Variants in AFF3 observed in about 807,000 individuals in gnomAD.
AFF3 encodes the protein ALF transcription elongation factor 3, also known as AF4/FMR2 family member 3.
AFF3 carries 32 observed loss-of-function variants against 129.7 expected under a neutral mutation model. The ratio of observed to expected loss-of-function variants is 0.25; its 90% CI spans 0.19 to 0.33. The LOEUF (loss-of-function observed/expected upper bound fraction) is 0.33. Among genes scored for constraint, AFF3 ranks in the 10% least tolerant of loss-of-function variants. AFF3 has a pLI of 1.00. For missense variants in AFF3, 1,373 were observed against 1,592.0 expected (o/e 0.86, Z 2.34); for synonymous variants, 644 against 635.4 (o/e 1.01, Z -0.20).
chr2:99,606,492 G>A (rs1050896990), intron 13 of AFF3, among the ~76,000 whole-genome samples: 20 of 151,936 alleles, frequency 1.3e-4, no homozygotes, highest in Non-Finnish European at 2.1e-4. Flanking sequence ...CATAATAAGC[G>A]TTCATGTGTG....
At chr2:99,764,602 C>T (rs1682861823) in intron 8 of AFF3, among the ~76,000 whole-genome samples, 1 of 152,116 alleles carries the variant, frequency 6.6e-6, no homozygotes. Context: ...CATTTTATTA[C>T]TTGTGTTTAA....
intron 12 of AFF3, among the ~76,000 whole-genome samples, chr2:99,669,590 C>T (rs1414908925): frequency 6.6e-6 from 1 of 152,122 alleles, no homozygotes; most frequent in Non-Finnish European, 1.5e-5. Flanking sequence ...ATGGGGGCAC[C>T]TGGGTCATGT....
intron 7 of AFF3, among the ~76,000 whole-genome samples, chr2:99,993,078 T>C (rs1244099070): frequency 6.6e-6 from 1 of 152,162 alleles, no homozygotes; most frequent in Non-Finnish European, 1.5e-5. Context: ...CTCCTATAGG[T>C]GGCAGAGCAA....
At chr2:99,939,045 A>G (rs1244927370) in intron 7 of AFF3, among the ~76,000 whole-genome samples, 1 of 152,216 alleles carries the variant, frequency 6.6e-6, no homozygotes, top group African/African-American at 2.4e-5. Context: ...TACCAACATG[A>G]CACTCAAAGG....
At chr2:100,039,521 C>T (rs1235123511) in intron 4 of AFF3, among the ~76,000 whole-genome samples, 2 of 152,082 alleles carry the variant, frequency 1.3e-5, no homozygotes, top group African/African-American at 4.8e-5. Flanking sequence ...GGCACCACTG[C>T]ACTCTAGCCT....
chr2:99,959,736 T>C (rs1048504985), intron 7 of AFF3, among the ~76,000 whole-genome samples: 2 of 150,422 alleles, frequency 1.3e-5, no homozygotes, highest in Non-Finnish European at 2.9e-5. Context: ...ATTATTGGCA[T>C]TTTTCCTCCA....
At chr2:99,685,172 C>G (rs966634982) in intron 11 of AFF3, among the ~76,000 whole-genome samples, 6 of 151,692 alleles carry the variant, frequency 4.0e-5, no homozygotes, top group African/African-American at 1.5e-4. Context: ...AACTACTGAC[C>G]TCAAGTGATC....
At chr2:99,746,630 C>T (rs373327565) in intron 9 of AFF3, among the ~76,000 whole-genome samples, 12 of 152,284 alleles carry the variant, frequency 7.9e-5, no homozygotes, top group African/African-American at 2.2e-4. Flanking sequence ...GATGAAATAT[C>T]GTTCCTGAAA....
At chr2:99,648,643 G>A (rs1018435694) in intron 13 of AFF3, among the ~76,000 whole-genome samples, 2 of 151,944 alleles carry the variant, frequency 1.3e-5, no homozygotes, top group Non-Finnish European at 2.9e-5. Flanking sequence ...CAGATAATTC[G>A]CCTAAGTGAC....
intron 13 of AFF3, among the ~76,000 whole-genome samples, chr2:99,623,426 G>A (rs549062239): frequency 6.6e-5 from 10 of 152,286 alleles, no homozygotes; most frequent in South Asian, 2.1e-4. Flanking sequence ...ATACTCATGC[G>A]GTGAGTGTAG....
At chr2:99,931,566 G>C (rs943421038) in intron 7 of AFF3, among the ~76,000 whole-genome samples, 2 of 152,110 alleles carry the variant, frequency 1.3e-5, no homozygotes, top group Admixed American at 1.3e-4. Flanking sequence ...TATTGATAGG[G>C]TACTGTTTAG....
In AFF3 at chr2:99,803,937, C is replaced by T. The variant is rs569380789; in HGVS notation, c.921+33540G>A. Among the ~76,000 whole-genome samples the T allele has an allele frequency of 1.3e-3, 200 of 152,084 alleles. 1 individual carries two copies. Among genetic ancestry groups the T allele is most frequent in the African/African-American group, 3.9e-3 (160 of 41,440 alleles). Reference sequence around the variant, plus strand: ...ACCATCTACAAAAATCAACTCCAGACGGATCAAACACTTAAATCTAAGAAC... The same window carrying T: ...ACCATCTACAAAAATCAACTCCAGATGGATCAAACACTTAAATCTAAGAAC... On this transcript the variant is annotated intron_variant, in intron 8 of 24. Coordinates refer to ENST00000672756, the MANE Select transcript of AFF3 (RefSeq NM_001386135.1).
chr2:99,611,746 G>A (rs1680946270), intron 13 of AFF3, among the ~76,000 whole-genome samples: 1 of 152,256 alleles, frequency 6.6e-6, no homozygotes, highest in East Asian at 1.9e-4. Flanking sequence ...AATTAGCTGG[G>A]TGTGGTGGCG....
At chr2:100,096,306 C>T (rs1690287589) in intron 4 of AFF3, among the ~76,000 whole-genome samples, 1 of 151,554 alleles carries the variant, frequency 6.6e-6, no homozygotes, top group Non-Finnish European at 1.5e-5. Flanking sequence ...AGTGATTAGC[C>T]TATTTATTAC....
chr2:99,578,304 C>T (rs368162748), intron 18 of AFF3, 23 bp downstream of exon 18: 17 of 1,582,744 alleles, frequency 1.1e-5, no homozygotes, highest in East Asian at 2.3e-5. Context: ...CCCCTCACCA[C>T]ATTTAAAAGC....
intron 10 of AFF3, among the ~76,000 whole-genome samples, chr2:99,734,663 C>A (rs1409172893): frequency 6.6e-6 from 1 of 151,742 alleles, no homozygotes; most frequent in African/African-American, 2.4e-5. Context: ...TATAATTAAT[C>A]ATGTTAATAT....
At chr2:99,735,831 C>T (rs1363259548) in intron 10 of AFF3, among the ~76,000 whole-genome samples, 1 of 152,128 alleles carries the variant, frequency 6.6e-6, no homozygotes, top group Non-Finnish European at 1.5e-5. Context: ...TGCAACTTTC[C>T]CTCTAATTTA....
chr2:99,903,383 G>A (rs1004643575), intron 7 of AFF3, among the ~76,000 whole-genome samples: 3 of 152,116 alleles, frequency 2.0e-5, no homozygotes, highest in Non-Finnish European at 2.9e-5. Context: ...TACTTTTTGA[G>A]TACAGGAAGA....
chr2:100,029,391 C>G (rs1684303106), intron 4 of AFF3, among the ~76,000 whole-genome samples: 1 of 152,172 alleles, frequency 6.6e-6, no homozygotes, highest in Admixed American at 6.5e-5. Flanking sequence ...TCAGAGAAAA[C>G]TGGCCACCAC....
Sources: allele counts gnomAD v4.1 joint callset (sites outside exome capture counted in the v4.1 genomes callset), GRCh38; gene constraint gnomAD v4.1.1; transcripts MANE v1.5; gene names NCBI Gene and HGNC (gene_info 2026-07-23, HGNC 2026-07-21).